The following LIMS1 variants were observed in gnomAD, a reference collection of about 807,000 sequenced individuals.
LIMS1 encodes LIM and senescent cell antigen-like-containing domain protein 1.
Under a neutral mutation model 44.1 loss-of-function variants are expected in LIMS1, and 18 were observed. The observed-to-expected ratio is 0.41, with a 90% CI of 0.28 to 0.61. LIMS1 has a LOEUF of 0.61. Ranked by LOEUF, LIMS1 falls within the 20% of genes least tolerant of loss-of-function variation. The pLI is 0.32. For synonymous variants in LIMS1, 93 were observed against 149.1 expected, an observed-to-expected ratio of 0.62 and a Z score of 2.74; for missense variants, 201 against 422.0, an observed-to-expected ratio of 0.48 and a Z score of 4.59.
At chr2:108,541,253 C>T (rs1684306374) in intron 1 of LIMS1, among the ~76,000 whole-genome samples, 1 of 152,250 alleles carries the variant, frequency 6.6e-6, no homozygotes, top group Non-Finnish European at 1.5e-5. Context: ...GTTTATTTCT[C>T]ATTGGTAAAT....
chr2:108,625,373 A>G (rs1383275169), intron 1 of LIMS1, among the ~76,000 whole-genome samples: 1 of 152,188 alleles, frequency 6.6e-6, no homozygotes. Flanking sequence ...TGGCCCACAA[A>G]GACAAAAATT....
intron 1 of LIMS1, among the ~76,000 whole-genome samples, chr2:108,634,961 C>T (rs1482607276): frequency 6.6e-6 from 1 of 152,146 alleles, no homozygotes; most frequent in Non-Finnish European, 1.5e-5. Context: ...CCCTGTTTGC[C>T]TCTTTGCTGG....
chr2:108,608,240 G>A (rs186282760), intron 1 of LIMS1, among the ~76,000 whole-genome samples: 89 of 150,882 alleles, frequency 5.9e-4, no homozygotes, highest in South Asian at 3.8e-3. Context: ...ATGGGATTCC[G>A]TCTTTCCTTT....
chr2:108,567,770 C>T (rs1558790500), intron 1 of LIMS1, among the ~76,000 whole-genome samples: 1 of 152,106 alleles, frequency 6.6e-6, no homozygotes, highest in African/African-American at 2.4e-5. Context: ...CGGGGTTTCT[C>T]CATGCCGTTC....
chr2:108,641,260 GAAAT>G, intron 1 of LIMS1, among the ~76,000 whole-genome samples: 1 of 152,252 alleles, frequency 6.6e-6, no homozygotes, highest in Non-Finnish European at 1.5e-5. Context: ...CCTTTTAAGG[GAAAT>G]AAATACAGTT....
chr2:108,555,221 G>C (rs547625768), intron 1 of LIMS1, among the ~76,000 whole-genome samples: 1 of 152,256 alleles, frequency 6.6e-6, no homozygotes, highest in Non-Finnish European at 1.5e-5. Context: ...GGAGGGGGAA[G>C]CATTTTCCTT....
At chr2:108,619,677 C>G (rs557106764) in intron 1 of LIMS1, among the ~76,000 whole-genome samples, 2 of 152,154 alleles carry the variant, frequency 1.3e-5, no homozygotes, top group African/African-American at 2.4e-5. Flanking sequence ...GAGGGAGACT[C>G]TGTCTCAAAA....
chr2:108,542,532 A>G (rs1001053458), intron 1 of LIMS1, among the ~76,000 whole-genome samples: 1 of 152,208 alleles, frequency 6.6e-6, no homozygotes, highest in Non-Finnish European at 1.5e-5. Context: ...TCCTCACTTC[A>G]TGGCACTGGT....
At chr2:108,616,664 A>G (rs2148863917) in intron 1 of LIMS1, among the ~76,000 whole-genome samples, 1 of 152,094 alleles carries the variant, frequency 6.6e-6, no homozygotes, top group Middle Eastern at 3.4e-3. Flanking sequence ...TTTTTTCCAC[A>G]CAGTGAACAG....
intron 1 of LIMS1, among the ~76,000 whole-genome samples, chr2:108,636,861 C>G (rs1014254375): frequency 2.0e-5 from 3 of 152,026 alleles, no homozygotes; most frequent in African/African-American, 7.2e-5. Flanking sequence ...AGAGGAGTGA[C>G]TGAGGCCCCT....
At chr2:108,579,445 T>G (rs934854063) in intron 1 of LIMS1, among the ~76,000 whole-genome samples, 2 of 152,182 alleles carry the variant, frequency 1.3e-5, no homozygotes, top group Non-Finnish European at 2.9e-5. Flanking sequence ...TTTAAAAATT[T>G]TATTAATATG....
chr2:108,631,604 T>C (rs1311049058), intron 1 of LIMS1, among the ~76,000 whole-genome samples: 1 of 152,032 alleles, frequency 6.6e-6, no homozygotes, highest in Non-Finnish European at 1.5e-5. Context: ...GACTTCTGAT[T>C]AGCCTCCTTT....
rs779439641 is a variant in LIMS1 at position 108,534,526 on chromosome 2, G to T, written c.-37G>T. The T allele has an allele frequency of 2.7e-5, 33 of 1,200,946 alleles. No homozygotes were observed. The African/African-American group carries it at 2.9e-4, about 11-fold the overall frequency. 74.4% of individuals were successfully genotyped at this position (1,200,946 alleles called of 1,614,324 possible). A position where few individuals can be genotyped will look rare whatever the true frequency, so the allele number is the denominator to read the frequency against. On this transcript the variant is annotated 5_prime_UTR_variant, in exon 1 of 10. Coordinates refer to ENST00000544547, the Ensembl canonical transcript of LIMS1. ...CGCGGCTGGAGCGGCGCCGGGAGAC[G>T]AGGGGCTGAGAGACGGCGGCGGCCG...
At chr2:108,587,885 G>A (rs527749634) in intron 1 of LIMS1, among the ~76,000 whole-genome samples, 2 of 152,170 alleles carry the variant, frequency 1.3e-5, no homozygotes, top group African/African-American at 2.4e-5. Context: ...AGAGCCTGGC[G>A]TGCCCGTCCC....
At chr2:108,621,854 T>A (rs1381468108) in intron 1 of LIMS1, among the ~76,000 whole-genome samples, 2 of 152,160 alleles carry the variant, frequency 1.3e-5, no homozygotes, top group Non-Finnish European at 2.9e-5. Context: ...TTTGTGGTGG[T>A]TTGGGGTTGG....
At chr2:108,543,321 A>G (rs1272432492) in intron 1 of LIMS1, among the ~76,000 whole-genome samples, 3 of 152,146 alleles carry the variant, frequency 2.0e-5, no homozygotes, top group Non-Finnish European at 2.9e-5. Context: ...GTCCTGTGGC[A>G]GGCTAGGTCT....
chr2:108,553,170 C>G (rs1684818612), intron 1 of LIMS1, among the ~76,000 whole-genome samples: 1 of 152,220 alleles, frequency 6.6e-6, no homozygotes, highest in Non-Finnish European at 1.5e-5. Context: ...CTTCCATGCT[C>G]TCTCCTGGAC....
intron 1 of LIMS1, among the ~76,000 whole-genome samples, chr2:108,543,639 T>C (rs1186554966): frequency 2.0e-5 from 3 of 152,200 alleles, no homozygotes; most frequent in Non-Finnish European, 4.4e-5. Context: ...GTAAATCTAC[T>C]GAGGATCCAG....
intron 1 of LIMS1, among the ~76,000 whole-genome samples, chr2:108,569,278 G>C (rs555986539): frequency 6.6e-6 from 1 of 152,126 alleles, no homozygotes; most frequent in Non-Finnish European, 1.5e-5. Context: ...ATTTTCTCCT[G>C]TTTCATATTT....
Sources: gnomAD v4.1 joint callset for allele counts (sites outside exome capture counted in the v4.1 genomes callset) on GRCh38, gnomAD v4.1.1 for gene constraint, MANE v1.5 for transcripts, NCBI Gene and HGNC (gene_info 2026-07-23, HGNC 2026-07-21) for gene names.